Variants in SLC12A1 observed in about 807,000 individuals in gnomAD.
SLC12A1 encodes solute carrier family 12 member 1, also known as Na-K-2Cl cotransporter.
SLC12A1 carries 89 observed loss-of-function variants against 130.4 expected under a neutral mutation model. The observed-to-expected ratio is 0.68, with a 90% CI of 0.58 to 0.81. The LOEUF is 0.81. SLC12A1 is among the 40% of genes least tolerant of loss of function. The pLI is 0.00. For synonymous variants in SLC12A1, 499 were observed against 460.0 expected, an observed-to-expected ratio of 1.08 and a Z score of -1.09; for missense variants, 1,310 against 1,336.4, an observed-to-expected ratio of 0.98 and a Z score of 0.31.
chr15:48,273,452 C>A (rs2041919213), intron 19 of SLC12A1, among the ~76,000 whole-genome samples: 1 of 152,154 alleles, frequency 6.6e-6, no homozygotes, highest in African/African-American at 2.4e-5. Flanking sequence ...TCTGCCAAGT[C>A]CCTTTTGCCA....
At chr15:48,221,871 G>A (rs12441292) in intron 4 of SLC12A1, among the ~76,000 whole-genome samples, 1 of 152,200 alleles carries the variant, frequency 6.6e-6, no homozygotes, top group African/African-American at 2.4e-5. Context: ...TAGCACTCCA[G>A]AAGGTATCTC....
At chr15:48,280,984 T>C (rs910402812) in intron 20 of SLC12A1, among the ~76,000 whole-genome samples, 6 of 152,162 alleles carry the variant, frequency 3.9e-5, no homozygotes, top group African/African-American at 1.4e-4. Context: ...TATTTCAACA[T>C]ACAATTCTTG....
At chr15:48,290,262 T>C (rs900037606) in intron 23 of SLC12A1, among the ~76,000 whole-genome samples, 1 of 152,120 alleles carries the variant, frequency 6.6e-6, no homozygotes, top group African/African-American at 2.4e-5. Context: ...CACTGGAAGG[T>C]CTTCCAGGGC....
intron 11 of SLC12A1, among the ~76,000 whole-genome samples, chr15:48,246,555 C>T (rs368103837): frequency 5.9e-5 from 9 of 152,070 alleles, no homozygotes; most frequent in African/African-American, 1.7e-4. Flanking sequence ...CTGAGGTGGG[C>T]GGATCACTTG....
chr15:48,268,384 T>C (rs369566200), intron 18 of SLC12A1, among the ~76,000 whole-genome samples: 219 of 152,300 alleles, frequency 1.4e-3, no homozygotes, highest in African/African-American at 4.8e-3. Flanking sequence ...ATTGTAGAGC[T>C]TGGCTTTCCG....
chr15:48,232,800 A>G lies in SLC12A1; in HGVS notation c.1049A>G (p.Asn350Ser), dbSNP rs972783347. Residue 350 changes from asparagine (N) to serine (S), a missense_variant, in exon 8 of 27, where the codon AAC (asparagine) becomes AGC (serine). Physicochemically the swap from Asn to Ser is conservative, Grantham distance 46. Coordinates refer to ENST00000380993, the MANE Select transcript of SLC12A1 (RefSeq NM_000338.3). ...NFFIGTVIPSNNEKKSRGFFN... is the reference protein window; with the variant it reads ...NFFIGTVIPSSNEKKSRGFFN... Reference sequence around the variant, plus strand: ...TTCATTGGAACTGTCATTCCATCCAACAATGAGAAAAAGTCCAGAGGTTTC... The same window carrying G: ...TTCATTGGAACTGTCATTCCATCCAGCAATGAGAAAAAGTCCAGAGGTTTC... The G allele has an allele frequency of 5.0e-6, 8 of 1,612,858 alleles. No homozygotes were observed. The highest frequency in any genetic ancestry group is 1.7e-5 in the Admixed American group (1 of 60,006).
At position 48,259,231 on chromosome 15, in the gene SLC12A1, A is replaced by G. The variant is rs1416654826; in HGVS notation, c.2074A>G (p.Met692Val). ...GTGCATTGTCTTAACAGGGGGACCC[A>G]TGACAAGACCTGCTCTCCTGGACAT... Reference protein sequence around the residue: ...PQCIVLTGGPMTRPALLDITH... With the variant: ...PQCIVLTGGPVTRPALLDITH... Residue 692 changes from methionine to valine, a missense_variant, in exon 17 of 27, where the codon ATG (methionine) becomes GTG (valine). Physicochemically the swap from Met to Val is conservative, Grantham distance 21. Coordinates refer to ENST00000380993, the MANE Select transcript of SLC12A1 (RefSeq NM_000338.3). 2 of 1,613,558 alleles carry G rather than the reference A, an allele frequency of 1.2e-6. No individual in the cohort carries two copies. The highest frequency in any genetic ancestry group is 2.7e-5 in the African/African-American group (2 of 74,898).
At chr15:48,215,085 A>G (rs142473795) in intron 2 of SLC12A1, among the ~76,000 whole-genome samples, 1 of 152,244 alleles carries the variant, frequency 6.6e-6, no homozygotes, top group African/African-American at 2.4e-5. Flanking sequence ...ATAGACATAA[A>G]GATGTAAGTA....
At chr15:48,232,611 G>T in intron 7 of SLC12A1, 116 bp from the exon 8 acceptor site, 1 of 735,130 alleles carries the variant, frequency 1.4e-6, no homozygotes, top group East Asian at 2.6e-5. Flanking sequence ...GGGTAGCAGA[G>T]ACTTAACTGA....
chr15:48,240,030 C>CATATATATAT lies in SLC12A1; in HGVS notation c.1216-1476_1216-1467dup, dbSNP rs796802835. ...TTATCCATATATATATATATATATC[C>CATATATATAT]ATATATATATATATATATCCATATA... On this transcript the variant is annotated intron_variant, in intron 9 of 26. Coordinates refer to ENST00000380993, the MANE Select transcript of SLC12A1 (RefSeq NM_000338.3). 7.4e-3 allele frequency among the ~76,000 whole-genome samples: 97 copies of CATATATATAT among 13,126 alleles called. 3 individuals are homozygous for CATATATATAT. Among genetic ancestry groups the CATATATATAT allele is most frequent in the East Asian group, 0.037 (42 of 1,124 alleles). The allele number at this position is 13,126 out of a possible 152,430, so 8.6% of individuals were successfully genotyped here.
At chr15:48,221,127 T>A in intron 4 of SLC12A1, 131 bp downstream of exon 4, 1 of 884,716 alleles carries the variant, frequency 1.1e-6, no homozygotes, top group Admixed American at 2.1e-5. Context: ...TCCTTTTACT[T>A]TGCTTCTTTG....
In SLC12A1 at chr15:48,248,515, A is replaced by G. The variant is rs548161622; in HGVS notation, c.1684+1055A>G. ...AACAAGTGCATTGGCTCCACCCATA[A>G]GCTTCATGGCAGCTGTTATGCCTAC... On this transcript the variant is annotated intron_variant, in intron 13 of 26. Transcript: ENST00000380993. 2.0e-5 allele frequency among the ~76,000 whole-genome samples: 3 copies of G among 152,348 alleles called. No homozygotes were observed. In the East Asian group the frequency reaches 5.8e-4, roughly 29 times the overall value.
At position 48,274,581 on chromosome 15, in the gene SLC12A1, G is replaced by C. The variant is rs2041930761; in HGVS notation, c.2413G>C (p.Asp805His). The C allele has an allele frequency of 6.2e-7, 1 of 1,612,210 alleles. No individual in the cohort carries two copies. Among genetic ancestry groups the C allele is most frequent in the African/African-American group, 1.3e-5 (1 of 74,908 alleles). Residue 805 changes from aspartate to histidine, a missense_variant, in exon 20 of 27, where the codon GAT becomes CAT. Physicochemically the swap from Asp to His is moderately conservative, Grantham distance 81. Transcript: ENST00000380993. ...TGCTTCCTCTTTCAGTGATGCATTT[G>C]ATTTTGAGATTGGCGTGGTTATAGT... is the stretch of plus-strand genomic sequence containing the variant. ...NYVGIIHDAF[D>H]FEIGVVIVRI... is the part of the protein sequence containing the mutation.
intron 20 of SLC12A1, among the ~76,000 whole-genome samples, chr15:48,277,340 A>C (rs548100551): frequency 6.6e-6 from 1 of 152,092 alleles, no homozygotes; most frequent in Non-Finnish European, 1.5e-5. Context: ...TTAAAAAAAA[A>C]CCACTTCATC....
intron 20 of SLC12A1, among the ~76,000 whole-genome samples, chr15:48,284,638 A>T (rs1469088580): frequency 6.6e-6 from 1 of 152,098 alleles, no homozygotes; most frequent in Non-Finnish European, 1.5e-5. Flanking sequence ...AAGATACATT[A>T]CTTTTTCTCT....
chr15:48,300,801 C>G (rs1304203343), intron 25 of SLC12A1, among the ~76,000 whole-genome samples: 2 of 152,170 alleles, frequency 1.3e-5, no homozygotes, highest in African/African-American at 4.8e-5. Context: ...TTGAAAGCCC[C>G]CTCTGCTTAC....
rs1388841453 is a variant in SLC12A1 at position 48,249,642 on chromosome 15, C to T, written c.1752C>T (p.Phe584=). The T allele has an allele frequency of 3.7e-6, 6 of 1,613,762 alleles. No individual in the cohort carries two copies. Among genetic ancestry groups the T allele is most frequent in the Non-Finnish European group, 5.1e-6 (6 of 1,179,790 alleles). The change falls in exon 14 of 27, where the codon TTC becomes TTT. Residue 584 remains phenylalanine (F), a synonymous_variant. Coordinates refer to ENST00000380993, the MANE Select transcript of SLC12A1 (RefSeq NM_000338.3). ...FFLASYALIN[F]SCFHASYAKS... ...TGGCCTCATATGCACTTATTAATTT[C>T]TCCTGCTTCCATGCCTCTTATGCCA...
chr15:48,287,196 T>C (rs922909959), intron 21 of SLC12A1, among the ~76,000 whole-genome samples: 3 of 152,134 alleles, frequency 2.0e-5, no homozygotes, highest in Non-Finnish European at 4.4e-5. Flanking sequence ...TAAACCCCTC[T>C]TGGCAAACAG....
intron 5 of SLC12A1, 148 bp downstream of exon 5, chr15:48,226,719 A>G: frequency 3.0e-6 from 2 of 662,792 alleles, no homozygotes; most frequent in South Asian, 3.6e-5. Context: ...AGAAAACCTA[A>G]GGTACGATGA....
Sources: gnomAD v4.1 joint callset for allele counts (sites outside exome capture counted in the v4.1 genomes callset) on GRCh38, gnomAD v4.1.1 for gene constraint, MANE v1.5 for transcripts, NCBI Gene and HGNC (gene_info 2026-07-23, HGNC 2026-07-21) for gene names.